Variants in WAC observed in about 807,000 individuals in gnomAD.
The protein encoded by WAC is WW domain-containing adapter protein with coiled-coil.
In WAC, 11 loss-of-function variants were observed where a neutral mutation model predicts 79.6. That is an observed-to-expected ratio of 0.14 (90% confidence interval 0.09 to 0.23). WAC has a LOEUF of 0.23. Among genes scored for constraint, WAC ranks in the 10% least tolerant of loss-of-function variants. The probability of loss-of-function intolerance (pLI) is 1.00; values close to 1 mark genes in which losing one functional copy is unlikely to be tolerated. For missense variants in WAC, 728 were observed against 773.5 expected (o/e 0.94, Z 0.70); for synonymous variants, 304 against 276.9 (o/e 1.10, Z -0.97).
At chr10:28,604,707 A>G (rs1299104280) in intron 7 of WAC, among the ~76,000 whole-genome samples, 3 of 152,296 alleles carry the variant, frequency 2.0e-5, no homozygotes, top group East Asian at 1.9e-4. Context: ...GTGACAGAGA[A>G]CGACTGTATC....
intron 3 of WAC, among the ~76,000 whole-genome samples, chr10:28,562,109 G>A (rs995616600): frequency 2.6e-5 from 4 of 152,282 alleles, no homozygotes; most frequent in Middle Eastern, 3.4e-3. Context: ...CCAGGTTGGA[G>A]TGCAGTGGCG....
At chr10:28,536,829 C>G (rs974938918) in intron 3 of WAC, among the ~76,000 whole-genome samples, 13 of 152,206 alleles carry the variant, frequency 8.5e-5, no homozygotes, top group African/African-American at 3.1e-4. Flanking sequence ...CCTATATTCT[C>G]TCCTACATGT....
At chr10:28,574,273 A>G (rs1055182507) in intron 3 of WAC, among the ~76,000 whole-genome samples, 4 of 151,834 alleles carry the variant, frequency 2.6e-5, no homozygotes, top group Admixed American at 6.6e-5. Flanking sequence ...TCTGCCTCCC[A>G]AGTAGCTGGG....
At chr10:28,573,701 CGTAA>C (rs1839096326) in intron 3 of WAC, among the ~76,000 whole-genome samples, 1 of 151,882 alleles carries the variant, frequency 6.6e-6, no homozygotes. Flanking sequence ...TTGGTGGGGG[CGTAA>C]GTTTTATTTA....
chr10:28,539,685 A>G (rs999579167), intron 3 of WAC, among the ~76,000 whole-genome samples: 1 of 151,880 alleles, frequency 6.6e-6, no homozygotes, highest in African/African-American at 2.4e-5. Context: ...TAATGTCCCA[A>G]GTAGCTGGGA....
At position 28,617,794 on chromosome 10, in the gene WAC, T is replaced by C. The variant is rs1413629399; in HGVS notation, c.1874+10T>C. On this transcript the variant is annotated intron_variant, in intron 13 of 13. Coordinates refer to ENST00000354911, the MANE Select transcript of WAC (RefSeq NM_016628.5). ...CTTTGCGAGAGCAAAGGTAAGTCTT[T>C]CACTGAAATATATTTTTATGTTTCT... 6.4e-7 allele frequency: 1 copy of C among 1,572,772 alleles called. No individual in the cohort carries two copies. The highest frequency in any genetic ancestry group is 1.2e-5 in the South Asian group (1 of 80,556).
chr10:28,533,753 AGCGGCCGC>A (rs1308232981), intron 1 of WAC, 133 bp downstream of exon 1: 9 of 782,822 alleles, frequency 1.1e-5, no homozygotes, highest in Admixed American at 1.0e-4. Context: ...GGGGAGGAGG[AGCGGCCGC>A]GCGGGCGGGC....
chr10:28,572,414 A>G (rs976494675), intron 3 of WAC, among the ~76,000 whole-genome samples: 2 of 152,068 alleles, frequency 1.3e-5, no homozygotes, highest in South Asian at 2.1e-4. Flanking sequence ...TGGTCAAGAA[A>G]GGCTTTTCTG....
intron 10 of WAC, among the ~76,000 whole-genome samples, chr10:28,613,848 C>G (rs1841356360): frequency 6.6e-6 from 1 of 152,138 alleles, no homozygotes; most frequent in Non-Finnish European, 1.5e-5. Flanking sequence ...AATACATATC[C>G]TGATTGGCAA....
At chr10:28,604,511 C>G (rs1031273405) in intron 7 of WAC, among the ~76,000 whole-genome samples, 4 of 152,102 alleles carry the variant, frequency 2.6e-5, no homozygotes, top group African/African-American at 9.7e-5. Context: ...GTGAACAGAT[C>G]AGTTGAGGCC....
intron 3 of WAC, among the ~76,000 whole-genome samples, chr10:28,571,482 C>T (rs1427676538): frequency 6.6e-6 from 1 of 152,142 alleles, no homozygotes. Context: ...GAATCTTTAT[C>T]ACCATGTACT....
intron 12 of WAC, among the ~76,000 whole-genome samples, chr10:28,616,670 C>T (rs925024030): frequency 2.0e-5 from 3 of 150,650 alleles, no homozygotes; most frequent in Admixed American, 6.6e-5. Flanking sequence ...GTCCTTAAGA[C>T]CAAATAGTGC....
intron 8 of WAC, among the ~76,000 whole-genome samples, chr10:28,609,926 C>CTTTTTT (rs35905966): frequency 1.7e-5 from 2 of 115,674 alleles, no homozygotes; most frequent in Admixed American, 9.7e-5. Flanking sequence ...TTCCTAAATA[C>CTTTTTT]TTTTTTTTTT....
intron 3 of WAC, among the ~76,000 whole-genome samples, chr10:28,577,506 G>A (rs747608835): frequency 1.3e-5 from 2 of 152,084 alleles, no homozygotes; most frequent in Admixed American, 6.5e-5. Flanking sequence ...TTTTCAAGGC[G>A]AACATTTATC....
chr10:28,551,586 A>G (rs568378198), intron 3 of WAC, among the ~76,000 whole-genome samples: 149 of 152,304 alleles, frequency 9.8e-4, no homozygotes, highest in African/African-American at 3.4e-3. Flanking sequence ...CTGAAACAAT[A>G]TAAACCAGCT....
At position 28,620,045 on chromosome 10, in the gene WAC, AT is replaced by A. The variant is rs1424549602; in HGVS notation, c.*442del. On this transcript the variant is annotated 3_prime_UTR_variant, in exon 14 of 14. Coordinates refer to ENST00000354911, the MANE Select transcript of WAC (RefSeq NM_016628.5). Reference sequence around the variant, plus strand: ...AAAAATTCAGTGCAAGCGCCAGGCGATTTGTGTCTAAGGATACGATTTTGAA... The same window carrying A: ...AAAAATTCAGTGCAAGCGCCAGGCGATTGTGTCTAAGGATACGATTTTGAA... 6.5e-6 allele frequency: 1 copy of A among 153,186 alleles called. No individual in the cohort carries two copies. The highest frequency in any genetic ancestry group is 1.5e-5 in the Non-Finnish European group (1 of 68,666). 9.5% of individuals were successfully genotyped at this position (153,186 alleles called of 1,614,324 possible).
Position 28,616,691 on chromosome 10 carries a change from GATCCCAGGGTCA to G in WAC, c.1746+330_1746+341del, listed in dbSNP as rs534806167. Among the ~76,000 whole-genome samples the G allele has an allele frequency of 4.3e-4, 65 of 152,318 alleles. No homozygotes were observed. In the South Asian group the frequency reaches 0.013, roughly 31 times the overall value. On this transcript the variant is annotated intron_variant, in intron 12 of 13. Coordinates refer to ENST00000354911, the MANE Select transcript of WAC (RefSeq NM_016628.5). ...AAGACCAAATAGTGCATAAGACCTT[GATCCCAGGGTCA>G]CCCAGTTAACAGTGATGTGGCTCAA...
At chr10:28,548,286 C>A (rs972856022) in intron 3 of WAC, among the ~76,000 whole-genome samples, 2 of 152,090 alleles carry the variant, frequency 1.3e-5, no homozygotes, top group Admixed American at 6.6e-5. Context: ...TTTTGTCTAA[C>A]CCTATCCGTT....
chr10:28,574,383 G>A (rs34289268), intron 3 of WAC, among the ~76,000 whole-genome samples: 20,110 of 151,912 alleles, frequency 0.13, 1,733 homozygotes, highest in Non-Finnish European at 0.19. Flanking sequence ...CCTGACCTCG[G>A]GCAGTCCGCC....
Sources: gnomAD v4.1 joint callset for allele counts (sites outside exome capture counted in the v4.1 genomes callset) on GRCh38, gnomAD v4.1.1 for gene constraint, MANE v1.5 for transcripts, NCBI Gene and HGNC (gene_info 2026-07-23, HGNC 2026-07-21) for gene names.